DNAJC3: variants seen among roughly 807,000 people sequenced by gnomAD.
DNAJC3 encodes DnaJ heat shock protein family (Hsp40) member C3.
DNAJC3 carries 38 observed loss-of-function variants against 68.6 expected under a neutral mutation model. The ratio of observed to expected loss-of-function variants is 0.55; its 90% CI spans 0.43 to 0.73. The LOEUF (loss-of-function observed/expected upper bound fraction) is 0.73, where lower values mean the gene tolerates loss of function less well. Among genes scored for constraint, DNAJC3 ranks in the 30% least tolerant of loss-of-function variants. The pLI, the probability that DNAJC3 is intolerant of heterozygous loss-of-function variation, is 0.00. For synonymous variants in DNAJC3, 203 were observed against 204.0 expected (o/e 1.00, Z 0.04); for missense variants, 526 against 591.9 (o/e 0.89, Z 1.16).
chr13:95,778,033 C>T (rs1194513860), intron 9 of DNAJC3, among the ~76,000 whole-genome samples: 1 of 152,026 alleles, frequency 6.6e-6, no homozygotes, highest in African/African-American at 2.4e-5. Context: ...GAAAATTAAA[C>T]ATGCTCTTGA....
intron 4 of DNAJC3, among the ~76,000 whole-genome samples, chr13:95,729,642 C>G (rs1317001563): frequency 6.6e-6 from 1 of 152,048 alleles, no homozygotes; most frequent in Non-Finnish European, 1.5e-5. Flanking sequence ...TATAAGAGTT[C>G]CCTTTTCTCT....
chr13:95,742,858 C>T lies in DNAJC3; in HGVS notation c.394-14786C>T, dbSNP rs370589560. ...TGTCATGTCTAAGAAGTATTCACTA[C>T]GCCGTAGGATCTAAAACTTTTCTCA... On this transcript the variant is annotated intron_variant, in intron 4 of 11. Coordinates refer to ENST00000602402, the MANE Select transcript of DNAJC3 (RefSeq NM_006260.5). 273 of 518,016 alleles carry T rather than the reference C, an allele frequency of 5.3e-4. 1 individual carries two copies. The highest frequency in any genetic ancestry group is 4.5e-3 in the Middle Eastern group (14 of 3,138). The allele number at this position is 518,016 out of a possible 1,614,324, so 32.1% of individuals were successfully genotyped here.
In DNAJC3 at chr13:95,710,369, C is replaced by G. The variant is rs569931199; in HGVS notation, c.193+1032C>G. On this transcript the variant is annotated intron_variant, in intron 2 of 11. Transcript: ENST00000602402. ...TAGCTGGGATTATAGGTGTGTGCCACTATATCCAACTACTTTTTACAACTT... is the reference window on the plus strand; with the variant it reads ...TAGCTGGGATTATAGGTGTGTGCCAGTATATCCAACTACTTTTTACAACTT... 4.6e-5 allele frequency among the ~76,000 whole-genome samples: 7 copies of G among 151,778 alleles called. No homozygotes were observed. In the South Asian group the frequency reaches 1.5e-3, roughly 32 times the overall value.
At chr13:95,688,554 C>T (rs1169628606) in intron 1 of DNAJC3, among the ~76,000 whole-genome samples, 1 of 149,566 alleles carries the variant, frequency 6.7e-6, no homozygotes, top group African/African-American at 2.5e-5. Flanking sequence ...GTTACATTGT[C>T]CCCCAGGCTG....
chr13:95,710,198 G>A (rs909611139), intron 2 of DNAJC3, among the ~76,000 whole-genome samples: 25 of 151,006 alleles, frequency 1.7e-4, no homozygotes, highest in African/African-American at 6.1e-4. Context: ...TAGGTTCTTA[G>A]TGAAGGCTTA....
intron 9 of DNAJC3, among the ~76,000 whole-genome samples, chr13:95,776,155 C>T (rs1379824095): frequency 1.3e-5 from 2 of 152,002 alleles, no homozygotes; most frequent in Admixed American, 6.6e-5. Flanking sequence ...ATGTCTTCAT[C>T]TTTCTTGGAT....
At chr13:95,733,217 C>G (rs1306379970) in intron 4 of DNAJC3, among the ~76,000 whole-genome samples, 1 of 151,994 alleles carries the variant, frequency 6.6e-6, no homozygotes, top group Non-Finnish European at 1.5e-5. Flanking sequence ...CTATGTAATG[C>G]TGAGAGTGGG....
chr13:95,729,281 C>CCTCCCTCTCCTTCTCCCT (rs1566487401), intron 4 of DNAJC3, among the ~76,000 whole-genome samples: 5 of 109,988 alleles, frequency 4.5e-5, no homozygotes, highest in African/African-American at 1.4e-4. Flanking sequence ...TCCCCCTCCC[C>CCTCCCTCTCCTTCTCCCT]CTCCCTCTCC....
At chr13:95,709,067 T>G (rs1880862079) in intron 1 of DNAJC3, among the ~76,000 whole-genome samples, 160 bp from the exon 2 acceptor site, 1 of 152,246 alleles carries the variant, frequency 6.6e-6, no homozygotes, top group Admixed American at 6.5e-5. Context: ...GAAATAGGGT[T>G]TGTATTTTAT....
intron 4 of DNAJC3, among the ~76,000 whole-genome samples, chr13:95,729,419 C>T (rs960940505): frequency 2.6e-5 from 4 of 150,968 alleles, no homozygotes; most frequent in African/African-American, 9.7e-5. Flanking sequence ...TACACACACA[C>T]ATACCCCATA....
At chr13:95,771,640 G>A (rs1045810810) in intron 9 of DNAJC3, among the ~76,000 whole-genome samples, 30 of 152,298 alleles carry the variant, frequency 2.0e-4, no homozygotes, top group African/African-American at 7.0e-4. Flanking sequence ...CAGGAACAGA[G>A]AGGGAAGCCT....
At chr13:95,719,628 T>A (rs1881256654) in intron 2 of DNAJC3, among the ~76,000 whole-genome samples, 1 of 152,230 alleles carries the variant, frequency 6.6e-6, no homozygotes, top group Admixed American at 6.5e-5. Context: ...AGGAGCTATA[T>A]GTCAGGAAGC....
intron 10 of DNAJC3, 71 bp downstream of exon 10, chr13:95,786,142 T>C: frequency 1.4e-6 from 2 of 1,411,930 alleles, no homozygotes; most frequent in Admixed American, 5.0e-5. Context: ...CATTGCTCTT[T>C]TTCCTCTCTG....
Position 95,760,822 on chromosome 13 carries a change from G to T in DNAJC3, c.848+24G>T. 9 of 1,604,572 alleles carry T rather than the reference G, an allele frequency of 5.6e-6. No homozygotes were observed. The South Asian group carries it at 1.0e-4, about 18-fold the overall frequency. ...AGGTGAGAATATGGTTGTTCCAACT[G>T]TCCAGCCATTCCTTATGTGCGGGGC... On this transcript the variant is annotated intron_variant, in intron 7 of 11. Transcript: ENST00000602402.
intron 9 of DNAJC3, among the ~76,000 whole-genome samples, chr13:95,766,174 C>G (rs1027434973): frequency 2.0e-5 from 3 of 152,028 alleles, no homozygotes; most frequent in African/African-American, 7.2e-5. Flanking sequence ...CTTAGATAAG[C>G]AATTTAAAGT....
intron 2 of DNAJC3, among the ~76,000 whole-genome samples, chr13:95,715,231 A>G (rs1411992131): frequency 6.6e-6 from 1 of 152,168 alleles, no homozygotes; most frequent in Non-Finnish European, 1.5e-5. Flanking sequence ...GCTCGTCTCT[A>G]CAAAAGTAAA....
In DNAJC3 at chr13:95,791,690, A is replaced by G. The variant is rs192484561; in HGVS notation, c.*660A>G. Reference sequence around the variant, plus strand: ...TGTTAAATGTACATTTTTTTGGTTCAGTACCTGAAGAAGAATACTGAAACT... The same window carrying G: ...TGTTAAATGTACATTTTTTTGGTTCGGTACCTGAAGAAGAATACTGAAACT... On this transcript the variant is annotated 3_prime_UTR_variant, in exon 12 of 12. Coordinates refer to ENST00000602402, the MANE Select transcript of DNAJC3 (RefSeq NM_006260.5). 6.6e-6 allele frequency: 1 copy of G among 152,364 alleles called. No homozygotes were observed. The highest frequency in any genetic ancestry group is 2.4e-5 in the African/African-American group (1 of 41,584). 9.4% of individuals were successfully genotyped at this position (152,364 alleles called of 1,614,324 possible). A position where few individuals can be genotyped will look rare whatever the true frequency, so the allele number is the denominator to read the frequency against.
chr13:95,740,162 A>G lies in DNAJC3; in HGVS notation c.393+14910A>G, dbSNP rs368936179. 6.7e-3 allele frequency among the ~76,000 whole-genome samples: 1,016 copies of G among 152,218 alleles called. 5 individuals are homozygous for G. The highest frequency in any genetic ancestry group is 9.6e-3 in the Non-Finnish European group (650 of 68,006). On this transcript the variant is annotated intron_variant, in intron 4 of 11. Transcript: ENST00000602402. ...AGGGACCCACTTGAGGAGGCAGTCT[A>G]CCCGTTCTCAGATCTCCAGCTGCGT...
At chr13:95,699,980 G>T (rs556119300) in intron 1 of DNAJC3, among the ~76,000 whole-genome samples, 1 of 152,204 alleles carries the variant, frequency 6.6e-6, no homozygotes, top group South Asian at 2.1e-4. Context: ...ACCACACCAG[G>T]CTCATTTTTA....
Sources: allele counts gnomAD v4.1 joint callset (sites outside exome capture counted in the v4.1 genomes callset), GRCh38; gene constraint gnomAD v4.1.1; transcripts MANE v1.5; gene names NCBI Gene and HGNC (gene_info 2026-07-23, HGNC 2026-07-21).